The following MYH15 variants were observed in gnomAD, a reference collection of about 807,000 sequenced individuals.
The protein encoded by MYH15 is myosin heavy chain 15.
A neutral mutation model predicts 240.5 loss-of-function variants in MYH15; 227 were observed. That is an observed-to-expected ratio of 0.94 (90% CI 0.85 to 1.05). The LOEUF is 1.05. Among genes scored for constraint, MYH15 ranks in the 50% least tolerant of loss-of-function variants. The pLI, the probability that MYH15 is intolerant of heterozygous loss-of-function variation, is 0.00. For synonymous variants in MYH15, 785 were observed against 796.7 expected (o/e 0.99, Z 0.25); for missense variants, 2,217 against 2,247.5 (o/e 0.99, Z 0.27).
At chr3:108,420,671 G>A (rs773446101) in intron 28 of MYH15, among the ~76,000 whole-genome samples, 3 of 152,140 alleles carry the variant, frequency 2.0e-5, no homozygotes, top group Non-Finnish European at 4.4e-5. Context: ...GTAGCCGGCT[G>A]TACAGACCAT....
chr3:108,448,494 CAA>C (rs2082946832), intron 21 of MYH15, among the ~76,000 whole-genome samples: 1 of 151,900 alleles, frequency 6.6e-6, no homozygotes, highest in Admixed American at 6.6e-5. Context: ...AAAACTGTAA[CAA>C]GAGATAAAGA....
chr3:108,451,765 T>A (rs1467372217), intron 21 of MYH15, among the ~76,000 whole-genome samples: 1 of 152,152 alleles, frequency 6.6e-6, no homozygotes. Flanking sequence ...AATCTCATGG[T>A]GATATTACAA....
chr3:108,472,411 G>A (rs1412781061), intron 12 of MYH15, among the ~76,000 whole-genome samples: 1 of 152,178 alleles, frequency 6.6e-6, no homozygotes, highest in African/African-American at 2.4e-5. Flanking sequence ...GTGTCTGGTG[G>A]TGATTTAGTT....
chr3:108,421,582 T>A (rs2082684922), intron 27 of MYH15, among the ~76,000 whole-genome samples: 1 of 152,182 alleles, frequency 6.6e-6, no homozygotes, highest in African/African-American at 2.4e-5. Flanking sequence ...AATATAACTC[T>A]CATGAGGGTA....
chr3:108,486,620 A>G, intron 9 of MYH15, 94 bp from the exon 10 acceptor site: 1 of 721,906 alleles, frequency 1.4e-6, no homozygotes. Context: ...TCTACAGTTT[A>G]TATCATACTT....
chr3:108,507,564 T>C (rs960506912), intron 1 of MYH15, among the ~76,000 whole-genome samples: 6 of 152,120 alleles, frequency 3.9e-5, no homozygotes, highest in African/African-American at 1.2e-4. Flanking sequence ...AAGGAGTGTG[T>C]ACAAAGGAGC....
chr3:108,466,798 C>G (rs528836014), intron 14 of MYH15, among the ~76,000 whole-genome samples: 291 of 152,226 alleles, frequency 1.9e-3, no homozygotes, highest in South Asian at 3.1e-3. Flanking sequence ...AGGTGTCCCC[C>G]CTGCAGGCTG....
chr3:108,491,016 T>C (rs577671218), intron 9 of MYH15, among the ~76,000 whole-genome samples: 1 of 152,188 alleles, frequency 6.6e-6, no homozygotes, highest in South Asian at 2.1e-4. Context: ...GTCTCCTGAG[T>C]AGCCAGAATT....
intron 25 of MYH15, 90 bp from the exon 26 acceptor site, chr3:108,431,012 A>C (rs934851517): frequency 1.3e-5 from 12 of 900,644 alleles, no homozygotes; most frequent in African/African-American, 3.3e-5. Context: ...AACACAAAGA[A>C]AAGATAAATG....
chr3:108,547,373 A>G, the MYH15 span, among the ~76,000 whole-genome samples: 3 of 152,094 alleles, frequency 2.0e-5, no homozygotes, highest in African/African-American at 7.2e-5. Flanking sequence ...TTCTTAATCC[A>G]AAATACTTTA....
chr3:108,510,395 C>T, intron 1 of MYH15, 48 bp downstream of exon 1: 6 of 1,571,714 alleles, frequency 3.8e-6, no homozygotes, highest in Non-Finnish European at 5.2e-6. Context: ...TAGTCACCAT[C>T]TTGAAGGAGC....
intron 38 of MYH15, among the ~76,000 whole-genome samples, chr3:108,388,467 C>T (rs1414446903): frequency 6.6e-6 from 1 of 152,166 alleles, no homozygotes; most frequent in Non-Finnish European, 1.5e-5. Context: ...AGAGGTCTCT[C>T]TTTAGTATTT....
intron 25 of MYH15, 130 bp from the exon 26 acceptor site, chr3:108,431,052 G>T: frequency 1.5e-6 from 1 of 648,788 alleles, no homozygotes; most frequent in Non-Finnish European, 2.7e-6. Flanking sequence ...CAATTACCCT[G>T]ATTTACTCAT....
intron 1 of MYH15, among the ~76,000 whole-genome samples, chr3:108,522,657 T>C (rs1576282084): frequency 6.6e-6 from 1 of 152,116 alleles, no homozygotes; most frequent in Non-Finnish European, 1.5e-5. Context: ...AGTAGTGTAA[T>C]TCACAGAACC....
At position 108,383,734 on chromosome 3, in the gene MYH15, A is replaced by AAAAAC. The variant is rs765266302; in HGVS notation, c.5632-6_5632-5insGTTTT. ...GTATTGATTGGCTTGTGTTTCCTAT[A>AAAAAC]AAAATAAAAAAAAAAAAAAAGAAAT... On this transcript the variant is annotated splice_region_variant and splice_polypyrimidine_tract_variant and intron_variant, in intron 39 of 40. Coordinates refer to ENST00000693548, the MANE Select transcript of MYH15 (RefSeq NM_014981.3). The AAAAAC allele has an allele frequency of 3.8e-5, 55 of 1,465,736 alleles. No individual in the cohort carries two copies. The highest frequency in any genetic ancestry group is 3.5e-4 in the South Asian group (27 of 77,794). The allele number at this position is 1,465,736 out of a possible 1,614,324, so 90.8% of individuals were successfully genotyped here. A position where few individuals can be genotyped will look rare whatever the true frequency, so the allele number is the denominator to read the frequency against.
At chr3:108,450,172 AACT>A (rs1484302874) in intron 21 of MYH15, among the ~76,000 whole-genome samples, 1 of 152,154 alleles carries the variant, frequency 6.6e-6, no homozygotes, top group Non-Finnish European at 1.5e-5. Context: ...TTAAAAATGG[AACT>A]ACCATAGGAT....
Position 108,428,614 on chromosome 3 carries a change from C to G in MYH15, c.3580G>C (p.Glu1194Gln). 6.2e-7 allele frequency: 1 copy of G among 1,613,898 alleles called. No homozygotes were observed. The highest frequency in any genetic ancestry group is 8.5e-7 in the Non-Finnish European group (1 of 1,180,004). The change falls in exon 27 of 41, where the codon GAG (glutamate) becomes CAG (glutamine). Residue 1194 changes from glutamate (E) to glutamine (Q), a missense_variant. Physicochemically the swap from Glu to Gln is conservative, Grantham distance 29. Transcript: ENST00000693548. ...AGATTTTCTACCTGGCCCTCGAGCT[C>G]AGCCAGGCTGTCTGCATGTCTCTTC... ...LKKRHADSLAELEGQVENLQQ... is the reference protein window; with the variant it reads ...LKKRHADSLAQLEGQVENLQQ...
At chr3:108,538,827 A>C in the MYH15 span, among the ~76,000 whole-genome samples, 2 of 152,180 alleles carry the variant, frequency 1.3e-5, no homozygotes, top group South Asian at 2.1e-4. Flanking sequence ...CATTTCTTAC[A>C]GTTCTAGAGA....
At chr3:108,398,879 T>C (rs2082483208) in intron 34 of MYH15, 39 bp from the exon 35 acceptor site, 8 of 1,589,578 alleles carry the variant, frequency 5.0e-6, no homozygotes, top group Non-Finnish European at 6.9e-6. Flanking sequence ...CAGATCCCTC[T>C]GAGTTCAACA....
Sources: allele counts gnomAD v4.1 joint callset (sites outside exome capture counted in the v4.1 genomes callset), GRCh38; gene constraint gnomAD v4.1.1; transcripts MANE v1.5; gene names NCBI Gene and HGNC (gene_info 2026-07-23, HGNC 2026-07-21).